The following NCKAP5 variants were observed in gnomAD, a reference collection of about 807,000 sequenced individuals.
NCKAP5 encodes the protein nck-associated protein 5.
A neutral mutation model predicts 167.0 loss-of-function variants in NCKAP5; 92 were observed. That is an observed-to-expected ratio of 0.55 (90% confidence interval 0.47 to 0.66). The LOEUF is 0.66. Among genes scored for constraint, NCKAP5 ranks in the 30% least tolerant of loss-of-function variants. The pLI, the probability that NCKAP5 is intolerant of heterozygous loss-of-function variation, is 0.00. For synonymous variants in NCKAP5, 891 were observed against 877.4 expected (o/e 1.02, Z -0.27); for missense variants, 2,378 against 2,315.0 (o/e 1.03, Z -0.56).
the NCKAP5 span, among the ~76,000 whole-genome samples, chr2:133,598,063 G>T: frequency 2.6e-5 from 4 of 152,176 alleles, no homozygotes; most frequent in Non-Finnish European, 5.9e-5. Flanking sequence ...TTGTAAATTG[G>T]AATGTCTGCT....
intron 3 of NCKAP5, among the ~76,000 whole-genome samples, chr2:133,384,453 C>T (rs1413911384): frequency 1.3e-5 from 2 of 152,190 alleles, no homozygotes; most frequent in Non-Finnish European, 2.9e-5. Flanking sequence ...TGTTTGGTTA[C>T]TGTAGCCTTG....
At chr2:133,355,823 T>C (rs986784103) in intron 3 of NCKAP5, among the ~76,000 whole-genome samples, 1 of 152,170 alleles carries the variant, frequency 6.6e-6, no homozygotes, top group Non-Finnish European at 1.5e-5. Context: ...TATTTGCATT[T>C]TCTTTTTATT....
intron 2 of NCKAP5, chr2:133,554,361 T>C (rs1687589130): frequency 6.6e-6 from 1 of 152,178 alleles, no homozygotes; most frequent in Non-Finnish European, 1.5e-5. Context: ...GGGACCTGGA[T>C]CTTAGTTTCC....
intron 2 of NCKAP5, among the ~76,000 whole-genome samples, chr2:133,520,074 C>T (rs922401101): frequency 6.6e-6 from 1 of 152,116 alleles, no homozygotes; most frequent in Non-Finnish European, 1.5e-5. Flanking sequence ...ACCTGTAGTC[C>T]CAGCTACTCA....
chr2:132,745,588 G>T (rs1193236435), intron 16 of NCKAP5, among the ~76,000 whole-genome samples: 2 of 151,862 alleles, frequency 1.3e-5, no homozygotes, highest in East Asian at 1.9e-4. Context: ...TTATAGTGGA[G>T]GTTATAGCCA....
chr2:133,579,100 C>T, the NCKAP5 span, among the ~76,000 whole-genome samples: 6 of 152,114 alleles, frequency 3.9e-5, 1 homozygote, highest in South Asian at 1.2e-3. Flanking sequence ...CTTTCATAGC[C>T]CTTTACATAT....
intron 6 of NCKAP5, among the ~76,000 whole-genome samples, chr2:133,052,982 A>G (rs569618695): frequency 6.6e-6 from 1 of 152,254 alleles, no homozygotes; most frequent in African/African-American, 2.4e-5. Context: ...ATGTTTTGGC[A>G]TCCTCCTTGG....
At chr2:133,236,534 A>G (rs1302390297) in intron 4 of NCKAP5, among the ~76,000 whole-genome samples, 7 of 152,234 alleles carry the variant, frequency 4.6e-5, no homozygotes, top group Non-Finnish European at 8.8e-5. Flanking sequence ...CACCACAACT[A>G]AAAATATCAA....
chr2:133,570,993 CTA>C (rs2105069089), upstream of NCKAP5, among the ~76,000 whole-genome samples: 1 of 152,004 alleles, frequency 6.6e-6, no homozygotes, highest in African/African-American at 2.4e-5. Context: ...ACATTAGAGC[CTA>C]TGTTTTTCTT....
Position 133,331,515 on chromosome 2 carries a change from C to T in NCKAP5, c.70-28405G>A, listed in dbSNP as rs147657086. 3.3e-3 allele frequency among the ~76,000 whole-genome samples: 501 copies of T among 152,326 alleles called. 6 individuals are homozygous for T. Among genetic ancestry groups the T allele is most frequent in the African/African-American group, 0.011 (463 of 41,574 alleles). The stretch of plus-strand genomic sequence containing the variant: ...CCCTCTCCCGTTGTTCCCGTTATGA[C>T]TGAGAGCAGCAACGTGTTCTGCTCC... On this transcript the variant is annotated intron_variant, in intron 3 of 19. Transcript: ENST00000409261.
At chr2:133,200,015 T>G (rs2085605531) in intron 5 of NCKAP5, among the ~76,000 whole-genome samples, 3 of 150,706 alleles carry the variant, frequency 2.0e-5, no homozygotes, top group African/African-American at 7.3e-5. Flanking sequence ...ATTTGATCCA[T>G]TCAATGCAAT....
intron 4 of NCKAP5, among the ~76,000 whole-genome samples, chr2:133,257,101 T>C (rs948896190): frequency 2.6e-5 from 4 of 152,206 alleles, no homozygotes; most frequent in African/African-American, 7.2e-5. Context: ...CAGCTTGAAG[T>C]AGTCAACATG....
Position 133,179,748 on chromosome 2 carries a change from G to A in NCKAP5, c.207+33968C>T, listed in dbSNP as rs910156103. Among the ~76,000 whole-genome samples, 45 of 152,052 alleles carry A rather than the reference G, an allele frequency of 3.0e-4. 1 individual carries two copies. Among genetic ancestry groups the A allele is most frequent in the African/African-American group, 1.1e-3 (44 of 41,390 alleles). On this transcript the variant is annotated intron_variant, in intron 5 of 19. Coordinates refer to ENST00000409261, the MANE Select transcript of NCKAP5 (RefSeq NM_207363.3). ...TGAGTGGGCTCAATCGTAGCATGGAGGTGCAGTGAACTTCACAGACAAAAG... is the reference window on the plus strand; with the variant it reads ...TGAGTGGGCTCAATCGTAGCATGGAAGTGCAGTGAACTTCACAGACAAAAG...
intron 6 of NCKAP5, among the ~76,000 whole-genome samples, chr2:133,083,719 C>T (rs1190251307): frequency 6.6e-6 from 1 of 152,138 alleles, no homozygotes; most frequent in Non-Finnish European, 1.5e-5. Flanking sequence ...TCTCACTGTT[C>T]ATTCATTCAC....
intron 3 of NCKAP5, among the ~76,000 whole-genome samples, chr2:133,314,877 G>A (rs372784456): frequency 7.9e-5 from 12 of 152,166 alleles, no homozygotes; most frequent in African/African-American, 2.2e-4. Flanking sequence ...AGGAAGTGAC[G>A]GAACTAACCG....
intron 19 of NCKAP5, among the ~76,000 whole-genome samples, chr2:132,686,316 G>T (rs1685929153): frequency 6.6e-6 from 1 of 152,170 alleles, no homozygotes; most frequent in African/African-American, 2.4e-5. Context: ...TCTCTAACTT[G>T]TTCTCCCCAC....
At chr2:133,069,874 T>TAG (rs2080329771) in intron 6 of NCKAP5, among the ~76,000 whole-genome samples, 1 of 151,728 alleles carries the variant, frequency 6.6e-6, no homozygotes, top group Admixed American at 6.6e-5. Flanking sequence ...ATTAAAAATA[T>TAG]ATATATATAC....
chr2:133,583,228 A>G, the NCKAP5 span, among the ~76,000 whole-genome samples: 1 of 152,146 alleles, frequency 6.6e-6, no homozygotes, highest in South Asian at 2.1e-4. Flanking sequence ...TGACTATATC[A>G]TGGATCCCTC....
chr2:132,807,135 G>C (rs1210538864), intron 11 of NCKAP5, among the ~76,000 whole-genome samples: 2 of 152,138 alleles, frequency 1.3e-5, no homozygotes, highest in African/African-American at 4.8e-5. Flanking sequence ...TTTTATACCA[G>C]TGCCATGCTG....
Sources: allele counts gnomAD v4.1 joint callset (sites outside exome capture counted in the v4.1 genomes callset), GRCh38; gene constraint gnomAD v4.1.1; transcripts MANE v1.5; gene names NCBI Gene and HGNC (gene_info 2026-07-23, HGNC 2026-07-21).